Variants in NSMCE2 observed in about 807,000 individuals in gnomAD.
The protein encoded by NSMCE2 is NSE2 SUMO ligase component of SMC5/6 complex, also known as E3 SUMO-protein ligase NSE2.
In NSMCE2, 24 loss-of-function variants were observed where a neutral mutation model predicts 23.8. That is an observed-to-expected ratio of 1.01 (90% confidence interval 0.73 to 1.42). NSMCE2 has a LOEUF of 1.42. Ranked by LOEUF, NSMCE2 falls within the 40% of genes most tolerant of loss-of-function variation. NSMCE2 has a pLI of 0.00. For missense variants in NSMCE2, 284 were observed against 296.5 expected (o/e 0.96, Z 0.31); for synonymous variants, 92 against 94.1 (o/e 0.98, Z 0.13).
At chr8:125,107,143 T>C (rs1171964513) in intron 3 of NSMCE2, among the ~76,000 whole-genome samples, 1 of 152,100 alleles carries the variant, frequency 6.6e-6, no homozygotes, top group Non-Finnish European at 1.5e-5. Flanking sequence ...TAACCATAGT[T>C]TGTCTGTGAA....
intron 3 of NSMCE2, among the ~76,000 whole-genome samples, chr8:125,129,821 A>G (rs1819673326): frequency 6.6e-6 from 1 of 151,846 alleles, no homozygotes; most frequent in Admixed American, 6.6e-5. Context: ...TTTTGGAATG[A>G]TGTTAGATTT....
intron 5 of NSMCE2, among the ~76,000 whole-genome samples, chr8:125,218,750 G>A (rs1009617087): frequency 3.9e-5 from 6 of 151,998 alleles, no homozygotes; most frequent in Admixed American, 2.0e-4. Context: ...AGTATAGAGA[G>A]TTTCAGTTTT....
At chr8:125,124,710 TC>T (rs1388763207) in intron 3 of NSMCE2, among the ~76,000 whole-genome samples, 3 of 151,984 alleles carry the variant, frequency 2.0e-5, no homozygotes, top group African/African-American at 7.3e-5. Context: ...ACTCCTGGGG[TC>T]AAGCGATCCT....
At chr8:125,329,361 A>G (rs946825582) in intron 5 of NSMCE2, among the ~76,000 whole-genome samples, 1 of 152,222 alleles carries the variant, frequency 6.6e-6, no homozygotes, top group South Asian at 2.1e-4. Context: ...CAGGGCTCCT[A>G]TCAGCTTGGC....
intron 3 of NSMCE2, among the ~76,000 whole-genome samples, chr8:125,111,654 G>A (rs113585868): frequency 0.027 from 4,182 of 152,180 alleles, 176 homozygotes; most frequent in African/African-American, 0.095. Flanking sequence ...AGAAAAATTA[G>A]CTGGGTGTGG....
At chr8:125,112,220 G>T (rs967774859) in intron 3 of NSMCE2, among the ~76,000 whole-genome samples, 1 of 152,328 alleles carries the variant, frequency 6.6e-6, no homozygotes, top group Non-Finnish European at 1.5e-5. Context: ...TAATTATGCT[G>T]TATATAGTAC....
intron 5 of NSMCE2, among the ~76,000 whole-genome samples, chr8:125,319,525 G>A (rs768238047): frequency 6.6e-6 from 1 of 152,020 alleles, no homozygotes; most frequent in Non-Finnish European, 1.5e-5. Flanking sequence ...GAAGGTAGGT[G>A]TGTGTGTGTG....
intron 3 of NSMCE2, among the ~76,000 whole-genome samples, chr8:125,112,581 C>T (rs909243763): frequency 4.6e-5 from 7 of 152,082 alleles, no homozygotes; most frequent in African/African-American, 1.4e-4. Flanking sequence ...GAAATACTGT[C>T]ATTTGCAACA....
intron 3 of NSMCE2, among the ~76,000 whole-genome samples, chr8:125,108,548 G>A (rs1261860526): frequency 6.6e-6 from 1 of 152,166 alleles, no homozygotes; most frequent in East Asian, 1.9e-4. Flanking sequence ...TGTGAAATAG[G>A]ATTAAAATGC....
chr8:125,223,806 CTTTTTT>C (rs777644019), intron 5 of NSMCE2, among the ~76,000 whole-genome samples: 7 of 107,950 alleles, frequency 6.5e-5, no homozygotes, highest in East Asian at 2.7e-4. Flanking sequence ...GGTCCTTTGC[CTTTTTT>C]TTTTTTTTTT....
At chr8:125,264,248 T>G (rs943422045) in intron 5 of NSMCE2, among the ~76,000 whole-genome samples, 2 of 152,158 alleles carry the variant, frequency 1.3e-5, no homozygotes, top group Admixed American at 1.3e-4. Flanking sequence ...ATCTTAGCAT[T>G]TCTGTTTATT....
chr8:125,222,251 GAAA>G (rs1586632940), intron 5 of NSMCE2, among the ~76,000 whole-genome samples: 1 of 151,900 alleles, frequency 6.6e-6, no homozygotes, highest in African/African-American at 2.4e-5. Flanking sequence ...TTTTAATTGA[GAAA>G]TAATAATTAT....
At chr8:125,106,293 TAA>T (rs1232745894) in intron 3 of NSMCE2, among the ~76,000 whole-genome samples, 2 of 152,206 alleles carry the variant, frequency 1.3e-5, no homozygotes, top group African/African-American at 2.4e-5. Flanking sequence ...TGCAAATAAC[TAA>T]TATCACCACT....
intron 3 of NSMCE2, among the ~76,000 whole-genome samples, chr8:125,124,458 A>G (rs1051701246): frequency 6.7e-6 from 1 of 150,308 alleles, no homozygotes; most frequent in Non-Finnish European, 1.5e-5. Flanking sequence ...TTTAAAGTGG[A>G]TTCCTCAGGA....
intron 5 of NSMCE2, among the ~76,000 whole-genome samples, chr8:125,316,281 T>C (rs1829175095): frequency 2.0e-5 from 3 of 152,260 alleles, no homozygotes; most frequent in Non-Finnish European, 4.4e-5. Context: ...TCACCTTCTA[T>C]ATATAAACTT....
Position 125,309,584 on chromosome 8 carries a change from G to C in NSMCE2, c.419-47635G>C, listed in dbSNP as rs545908465. Among the ~76,000 whole-genome samples, 8 of 152,254 alleles carry C rather than the reference G, an allele frequency of 5.3e-5. No individual in the cohort carries two copies. The South Asian group carries it at 1.2e-3, about 24-fold the overall frequency. On this transcript the variant is annotated intron_variant, in intron 5 of 7. Transcript: ENST00000287437. The stretch of plus-strand genomic sequence containing the variant: ...ACTAAAAATCAAAATAATTAGCCAG[G>C]CGTGGTGGCACATGCTTGCAGTCCC...
At chr8:125,327,993 A>G (rs963725787) in intron 5 of NSMCE2, among the ~76,000 whole-genome samples, 1 of 152,164 alleles carries the variant, frequency 6.6e-6, no homozygotes, top group African/African-American at 2.4e-5. Context: ...TTCAAGAACT[A>G]TCATAATTAT....
chr8:125,126,283 A>C (rs559506288), intron 3 of NSMCE2, among the ~76,000 whole-genome samples: 5 of 151,908 alleles, frequency 3.3e-5, no homozygotes, highest in East Asian at 1.9e-4. Flanking sequence ...GAGGCAGGAG[A>C]ATCACTTCAA....
chr8:125,122,171 CCAAA>C (rs1212223418), intron 3 of NSMCE2, among the ~76,000 whole-genome samples: 150 of 86,394 alleles, frequency 1.7e-3, no homozygotes, highest in African/African-American at 4.9e-3. Flanking sequence ...TCTGGCTGAG[CCAAA>C]AAAAAAAAAA....
Sources: gnomAD v4.1 joint callset for allele counts (sites outside exome capture counted in the v4.1 genomes callset) on GRCh38, gnomAD v4.1.1 for gene constraint, MANE v1.5 for transcripts, NCBI Gene and HGNC (gene_info 2026-07-23, HGNC 2026-07-21) for gene names.